TRRAP: variants seen among roughly 807,000 people sequenced by gnomAD.
TRRAP encodes transformation/transcription domain associated protein.
Under a neutral mutation model 438.8 loss-of-function variants are expected in TRRAP, and 41 were observed. The observed-to-expected ratio is 0.09, with a 90% CI of 0.07 to 0.12. The LOEUF (loss-of-function observed/expected upper bound fraction) is 0.12. Among genes scored for constraint, TRRAP ranks in the 10% least tolerant of loss-of-function variants. TRRAP has a pLI of 1.00. For synonymous variants in TRRAP, 1,994 were observed against 1,962.9 expected (o/e 1.02, Z -0.42); for missense variants, 3,122 against 5,055.1 (o/e 0.62, Z 11.60).
In TRRAP at chr7:98,950,054, G is replaced by C. The variant is rs2116611505; in HGVS notation, c.5136-10G>C. 1 of 1,613,776 alleles carries C rather than the reference G, an allele frequency of 6.2e-7. No individual in the cohort carries two copies. The highest frequency in any genetic ancestry group is 8.5e-7 in the Non-Finnish European group (1 of 1,179,942). On this transcript the variant is annotated splice_polypyrimidine_tract_variant and intron_variant, in intron 37 of 72. Coordinates refer to ENST00000456197, the MANE Select transcript of TRRAP (RefSeq NM_001375524.1). ...CTAAGTTAACCTGTCTTCTTCTTTT[G>C]ACCCTCCAGAAGGAATTACGGAGAT... is the stretch of plus-strand genomic sequence containing the variant.
chr7:98,883,167 C>A lies in TRRAP; in HGVS notation c.150+1143C>A, dbSNP rs371128613. On this transcript the variant is annotated intron_variant, in intron 3 of 72. Transcript: ENST00000456197. ...CCCTCAGACACTTTTCATTTTTCTT[C>A]AGTCTTTTTTCTTTTTGTCCTTTAG... is the stretch of plus-strand genomic sequence containing the variant. 3.9e-5 allele frequency among the ~76,000 whole-genome samples: 6 copies of A among 152,312 alleles called. 1 individual carries two copies. In the East Asian group the frequency reaches 9.6e-4, roughly 24 times the overall value.
chr7:98,985,191 T>C (rs1411091234), intron 62 of TRRAP, 147 bp downstream of exon 62: 1 of 565,628 alleles, frequency 1.8e-6, no homozygotes, highest in Non-Finnish European at 3.1e-6. Flanking sequence ...GTACTGCACC[T>C]CTGCAAAAAG....
At chr7:98,924,173 A>G (rs1789929618) in intron 21 of TRRAP, among the ~76,000 whole-genome samples, 1 of 152,242 alleles carries the variant, frequency 6.6e-6, no homozygotes, top group African/African-American at 2.4e-5. Context: ...ATCTTCCACA[A>G]GAGGCTCTCC....
rs1796996918 is a variant in TRRAP, at chr7:98,910,065, C to T, written c.1360C>T (p.Leu454Phe). ...VLMRMLEVFV[L>F]KFHTIARYQL... Reference sequence around the variant, plus strand: ...TTTCTCTTCCCGTTAGGTTTTCGTTCTCAAATTCCACACAATTGCTCGGTA... The same window carrying T: ...TTTCTCTTCCCGTTAGGTTTTCGTTTTCAAATTCCACACAATTGCTCGGTA... Residue 454 changes from leucine to phenylalanine, a missense_variant, in exon 15 of 73, where the codon CTC (leucine) becomes TTC (phenylalanine). Around this residue, in one of 24 missense-constraint regions of TRRAP, gnomAD observed 115 missense variants for 124.6 expected, o/e 0.92. Coordinates refer to ENST00000456197, the MANE Select transcript of TRRAP (RefSeq NM_001375524.1). The T allele has an allele frequency of 6.5e-7, 1 of 1,538,004 alleles. No homozygotes were observed. Among genetic ancestry groups the T allele is most frequent in the Non-Finnish European group, 8.8e-7 (1 of 1,142,682 alleles).
rs552558732 is a variant in TRRAP at position 99,004,528 on chromosome 7, A to G, written c.10535+113A>G. On this transcript the variant is annotated intron_variant, in intron 68 of 72. Transcript: ENST00000456197. ...GAATTTTGGACACAGATTCCCTGAC[A>G]TGGGAGAACATAAGATGATTCTGGA... 38 of 872,134 alleles carry G rather than the reference A, an allele frequency of 4.4e-5. No individual in the cohort carries two copies. In the African/African-American group the frequency reaches 5.6e-4, roughly 13 times the overall value. 54.0% of individuals were successfully genotyped at this position (872,134 alleles called of 1,614,324 possible). A position where few individuals can be genotyped will look rare whatever the true frequency, so the allele number is the denominator to read the frequency against.
intron 30 of TRRAP, among the ~76,000 whole-genome samples, chr7:98,940,832 T>C (rs1554415438): frequency 2.0e-5 from 3 of 152,200 alleles, no homozygotes; most frequent in Non-Finnish European, 4.4e-5. Context: ...GGACACACTT[T>C]TCCCTACTTA....
intron 30 of TRRAP, among the ~76,000 whole-genome samples, chr7:98,939,239 C>T (rs1272202653): frequency 1.3e-5 from 2 of 152,090 alleles, no homozygotes; most frequent in Admixed American, 6.6e-5. Flanking sequence ...ACCTTTCCCC[C>T]AACTATAAAC....
At chr7:99,008,594 C>T in intron 70 of TRRAP, 33 bp downstream of exon 70, 1 of 1,606,104 alleles carries the variant, frequency 6.2e-7, no homozygotes, top group Non-Finnish European at 8.5e-7. Flanking sequence ...GGCCGAGCTG[C>T]CGCCTGCAGC....
chr7:98,969,682 G>A (rs1340425751), intron 51 of TRRAP, among the ~76,000 whole-genome samples: 2 of 151,744 alleles, frequency 1.3e-5, no homozygotes, highest in African/African-American at 2.4e-5. Flanking sequence ...AGTACATCAC[G>A]GAGGGGCTCG....
At chr7:98,888,744 T>G (rs1333752857) in intron 3 of TRRAP, among the ~76,000 whole-genome samples, 2 of 152,204 alleles carry the variant, frequency 1.3e-5, no homozygotes, top group Non-Finnish European at 2.9e-5. Context: ...GAAGGTGTCC[T>G]CCGCCCTTGG....
chr7:98,904,664 C>CT (rs1562933923), intron 12 of TRRAP, among the ~76,000 whole-genome samples: 1 of 152,134 alleles, frequency 6.6e-6, no homozygotes, highest in Non-Finnish European at 1.5e-5. Context: ...TCACATTAGA[C>CT]TTTCGGGGTT....
In TRRAP at chr7:99,012,136, G is replaced by A. The variant is rs1794457979; in HGVS notation, c.11403G>A (p.Glu3801=). 1.2e-6 allele frequency: 2 copies of A among 1,614,196 alleles called. No homozygotes were observed. Among genetic ancestry groups the A allele is most frequent in the East Asian group, 2.2e-5 (1 of 44,876 alleles). The change falls in exon 73 of 73, where the codon GAG becomes GAA. Residue 3801 remains glutamate (E), a synonymous_variant. Coordinates refer to ENST00000456197, the MANE Select transcript of TRRAP (RefSeq NM_001375524.1). This position sits in a 1 kb window ranked among gnomAD's most constrained non-coding sequence, Gnocchi z 5.9. ...TTGCTTGGCACAAAAAAACACAAGA[G>A]GACACGTCCTCTCCTCTCTCGGCCG... ...EIIAWHKKTQ[E]DTSSPLSAAG... is the part of the protein sequence containing the mutation.
chr7:98,906,402 TTTTATTTATTTA>T lies in TRRAP; in HGVS notation c.1115+183_1115+194del, dbSNP rs3066870. 0.62 allele frequency: 119,723 copies of T among 194,318 alleles called. 39,852 individuals carry two copies. The highest frequency in any genetic ancestry group is 0.75 in the South Asian group (4,636 of 6,184). 12.0% of individuals were successfully genotyped at this position (194,318 alleles called of 1,614,324 possible). A position where few individuals can be genotyped will look rare whatever the true frequency, so the allele number is the denominator to read the frequency against. ...AGCAAGTGCAGGATTTTTGTTTTTG[TTTTATTTATTTA>T]TTTATTTATTTATTTATTTATTTAT... On this transcript the variant is annotated intron_variant, in intron 13 of 72. Coordinates refer to ENST00000456197, the MANE Select transcript of TRRAP (RefSeq NM_001375524.1).
intron 1 of TRRAP, 45 bp from the exon 2 acceptor site, chr7:98,881,045 C>T (rs1795404628): frequency 1.2e-6 from 1 of 813,824 alleles, no homozygotes; most frequent in Non-Finnish European, 1.9e-6. Context: ...AGATTGTGAT[C>T]CTGTGCCCTC....
rs310736 is a variant in TRRAP at position 98,937,297 on chromosome 7, T to C, written c.4233+20T>C. 46 of 1,604,670 alleles carry C rather than the reference T, an allele frequency of 2.9e-5. No individual in the cohort carries two copies. Among genetic ancestry groups the C allele is most frequent in the Non-Finnish European group, 3.7e-5 (44 of 1,176,696 alleles). The stretch of plus-strand genomic sequence containing the variant: ...AGAAAGGTGAGTGTGTGTGCGTGCG[T>C]GTATGCGCACGCGTGTGTGCACACA... On this transcript the variant is annotated intron_variant, in intron 29 of 72. Transcript: ENST00000456197.
chr7:98,939,693 G>A (rs545897113), intron 30 of TRRAP, among the ~76,000 whole-genome samples: 1 of 152,238 alleles, frequency 6.6e-6, no homozygotes, highest in African/African-American at 2.4e-5. Flanking sequence ...CCTAATCAGA[G>A]CTCATCCAAT....
At chr7:98,975,392 A>G (rs1206207058) in intron 53 of TRRAP, among the ~76,000 whole-genome samples, 1 of 152,168 alleles carries the variant, frequency 6.6e-6, no homozygotes, top group Non-Finnish European at 1.5e-5. Context: ...CTGTTGCGCC[A>G]CTGCCTGATG....
At chr7:98,933,139 C>G in intron 26 of TRRAP, 102 bp from the exon 27 acceptor site, 10 of 1,410,282 alleles carry the variant, frequency 7.1e-6, no homozygotes, top group Non-Finnish European at 8.4e-6. Flanking sequence ...GAGAAGATAT[C>G]TGTAATAACT....
At chr7:98,918,848 G>A (rs1268472441) in intron 20 of TRRAP, among the ~76,000 whole-genome samples, 8 of 151,938 alleles carry the variant, frequency 5.3e-5, no homozygotes, top group African/African-American at 1.9e-4. Flanking sequence ...TTGAGTCCTG[G>A]AGTTTGAAAC....
Sources: gnomAD v4.1 joint callset for allele counts (sites outside exome capture counted in the v4.1 genomes callset) on GRCh38, gnomAD v4.1.1 for gene constraint, gnomAD v4.1.1 regional missense constraint, Gnocchi (gnomAD v3.1) non-coding constraint, MANE v1.5 for transcripts, NCBI Gene and HGNC (gene_info 2026-07-23, HGNC 2026-07-21) for gene names.